The following CRLF3 variants were observed in gnomAD, a reference collection of about 807,000 sequenced individuals.
CRLF3 encodes the protein cytokine receptor-like factor 3.
A neutral mutation model predicts 55.0 loss-of-function variants in CRLF3; 33 were observed. The observed-to-expected ratio is 0.60, with a 90% CI of 0.46 to 0.80. CRLF3 has a LOEUF of 0.80. CRLF3 is among the 30% of genes least tolerant of loss of function. The probability of loss-of-function intolerance (pLI) is 0.00; values close to 1 mark genes in which losing one functional copy is unlikely to be tolerated. For missense variants in CRLF3, 494 were observed against 538.4 expected, an observed-to-expected ratio of 0.92 and a Z score of 0.82; for synonymous variants, 238 against 196.8, an observed-to-expected ratio of 1.21 and a Z score of -1.75.
chr17:30,815,406 G>A (rs1904765476), intron 1 of CRLF3, among the ~76,000 whole-genome samples: 1 of 151,502 alleles, frequency 6.6e-6, no homozygotes, highest in African/African-American at 2.4e-5. Context: ...ATTTTTAGTA[G>A]AGATGGGGTT....
rs551006548 is a variant in CRLF3, at chr17:30,796,433, A to C, written c.426-96T>G. ...GCAGTCACATGCTTGAAAGATCCTG[A>C]AGCCCCCAGTAATTAATTCTCATGG... On this transcript the variant is annotated intron_variant, in intron 3 of 7. Transcript: ENST00000324238. The C allele has an allele frequency of 2.1e-4, 182 of 874,498 alleles. 1 individual carries two copies. In the South Asian group the frequency reaches 3.7e-3, roughly 18 times the overall value. 54.2% of individuals were successfully genotyped at this position (874,498 alleles called of 1,614,324 possible).
rs1159336036 is a variant in CRLF3, at chr17:30,788,599, C to CTTTTTTTTTTTTTTTT, written c.960-2584_960-2569dup. 2.0e-4 allele frequency among the ~76,000 whole-genome samples: 16 copies of CTTTTTTTTTTTTTTTT among 80,038 alleles called. 1 individual carries two copies. The highest frequency in any genetic ancestry group is 8.7e-4 in the African/African-American group (15 of 17,232). 52.5% of individuals were successfully genotyped at this position (80,038 alleles called of 152,430 possible). A position where few individuals can be genotyped will look rare whatever the true frequency, so the allele number is the denominator to read the frequency against. On this transcript the variant is annotated intron_variant, in intron 6 of 7. Transcript: ENST00000324238. ...GGGATAAATAACAAAGTAGTGCCTT[C>CTTTTTTTTTTTTTTTT]TTTTTTTTTTTTTTTTTTTTTTTTT...
intron 4 of CRLF3, 127 bp from the exon 5 acceptor site, chr17:30,793,799 T>C: frequency 1.6e-6 from 1 of 626,104 alleles, no homozygotes; most frequent in Non-Finnish European, 2.8e-6. Flanking sequence ...TATGGGGTAT[T>C]CTTGGGAAGG....
intron 1 of CRLF3, among the ~76,000 whole-genome samples, chr17:30,811,271 A>C (rs1198689529): frequency 2.0e-5 from 3 of 151,948 alleles, no homozygotes; most frequent in Non-Finnish European, 4.4e-5. Flanking sequence ...CCTGGGCAAC[A>C]TGGTGAAACC....
At chr17:30,807,435 A>G (rs901804977) in intron 1 of CRLF3, among the ~76,000 whole-genome samples, 1 of 152,036 alleles carries the variant, frequency 6.6e-6, no homozygotes, top group Non-Finnish European at 1.5e-5. Flanking sequence ...TAAAAACAAA[A>G]AATGCCCATG....
chr17:30,790,717 A>T (rs552585646), intron 6 of CRLF3: 1 of 141,840 alleles, frequency 7.1e-6, no homozygotes, highest in African/African-American at 2.7e-5. Context: ...CCAGGCTTCC[A>T]GTGATTCTCC....
At chr17:30,824,061 C>T (rs1347018027) in intron 1 of CRLF3, among the ~76,000 whole-genome samples, 2 of 151,916 alleles carry the variant, frequency 1.3e-5, no homozygotes, top group Admixed American at 1.3e-4. Flanking sequence ...GCCCCTTAGT[C>T]CTCCCCTTCC....
At chr17:30,813,032 A>C (rs975712309) in intron 1 of CRLF3, among the ~76,000 whole-genome samples, 5 of 152,212 alleles carry the variant, frequency 3.3e-5, no homozygotes, top group Non-Finnish European at 7.3e-5. Context: ...AAGCAAAACC[A>C]GGAGAACTAC....
At chr17:30,815,735 G>A (rs554280734) in intron 1 of CRLF3, among the ~76,000 whole-genome samples, 2 of 148,962 alleles carry the variant, frequency 1.3e-5, no homozygotes, top group East Asian at 4.1e-4. Context: ...GTAGAGACGG[G>A]GTTTCACCAT....
intron 5 of CRLF3, chr17:30,792,810 A>G (rs1036694531): frequency 4.9e-5 from 18 of 369,758 alleles, no homozygotes; most frequent in Middle Eastern, 7.3e-4. Context: ...TCTCTTATCT[A>G]ATAAAATCAT....
At chr17:30,806,496 T>C (rs1327475455) in intron 1 of CRLF3, among the ~76,000 whole-genome samples, 2 of 152,154 alleles carry the variant, frequency 1.3e-5, no homozygotes, top group Non-Finnish European at 1.5e-5. Context: ...TCTCATTTTT[T>C]CCAAGCACAC....
chr17:30,819,761 G>A (rs1597935003), intron 1 of CRLF3, among the ~76,000 whole-genome samples: 1 of 152,128 alleles, frequency 6.6e-6, no homozygotes, highest in African/African-American at 2.4e-5. Flanking sequence ...AGATATAATA[G>A]AAGTGAAATA....
chr17:30,792,408 G>C (rs200913309), intron 6 of CRLF3, 32 bp downstream of exon 6: 106 of 1,585,990 alleles, frequency 6.7e-5, no homozygotes, highest in East Asian at 4.5e-4. Context: ...TCTGCTTCCT[G>C]AGGCAGGTGA....
At chr17:30,801,391 T>G (rs1272126582) in intron 2 of CRLF3, 1 of 152,180 alleles carries the variant, frequency 6.6e-6, no homozygotes, top group Non-Finnish European at 1.5e-5. Flanking sequence ...CCTCCCAAAG[T>G]GCTGGGATTA....
At chr17:30,798,819 A>G (rs1971961929) in intron 2 of CRLF3, among the ~76,000 whole-genome samples, 1 of 152,144 alleles carries the variant, frequency 6.6e-6, no homozygotes, top group South Asian at 2.1e-4. Context: ...AGCCTGGGCA[A>G]CAGTGTGAGA....
intron 1 of CRLF3, chr17:30,809,802 CACT>C (rs1490778540): frequency 4.6e-5 from 7 of 152,182 alleles, no homozygotes; most frequent in Non-Finnish European, 7.3e-5. Flanking sequence ...AGGCATGTGT[CACT>C]ACACCCAGCT....
intron 1 of CRLF3, among the ~76,000 whole-genome samples, chr17:30,817,052 A>G (rs1904830027): frequency 6.6e-6 from 1 of 152,106 alleles, no homozygotes; most frequent in Non-Finnish European, 1.5e-5. Flanking sequence ...TTTTGCTTCC[A>G]GTATTTTGGG....
chr17:30,824,661 C>G lies in CRLF3; in HGVS notation c.-10G>C, dbSNP rs1905089970. The stretch of plus-strand genomic sequence containing the variant: ...CCATCGCCCCCCTCATCTGGCCGCG[C>G]GGCCGGCGAAACCTAGCGCGGGTTC... On this transcript the variant is annotated 5_prime_UTR_variant, in exon 1 of 8. Coordinates refer to ENST00000324238, the MANE Select transcript of CRLF3 (RefSeq NM_015986.4). 3 of 1,585,990 alleles carry G rather than the reference C, an allele frequency of 1.9e-6. No homozygotes were observed. Among genetic ancestry groups the G allele is most frequent in the Non-Finnish European group, 2.6e-6 (3 of 1,172,070 alleles).
At chr17:30,791,350 C>T (rs1055875108) in intron 6 of CRLF3, among the ~76,000 whole-genome samples, 2 of 150,580 alleles carry the variant, frequency 1.3e-5, no homozygotes, top group African/African-American at 4.9e-5. Flanking sequence ...GGATTACAGG[C>T]GGGAGCCATT....
Sources: gnomAD v4.1 joint callset for allele counts (sites outside exome capture counted in the v4.1 genomes callset) on GRCh38, gnomAD v4.1.1 for gene constraint, MANE v1.5 for transcripts, NCBI Gene and HGNC (gene_info 2026-07-23, HGNC 2026-07-21) for gene names.